The following GALNT7 variants were observed in gnomAD, a reference collection of about 807,000 sequenced individuals.
GALNT7 encodes polypeptide N-acetylgalactosaminyltransferase 7.
Under a neutral mutation model 82.1 loss-of-function variants are expected in GALNT7, and 60 were observed. That is an observed-to-expected ratio of 0.73 (90% CI 0.59 to 0.91). The LOEUF is 0.91. Ranked by LOEUF, GALNT7 falls within the 40% of genes least tolerant of loss-of-function variation. The pLI, the probability that GALNT7 is intolerant of heterozygous loss-of-function variation, is 0.00. For synonymous variants in GALNT7, 243 were observed against 275.1 expected (o/e 0.88, Z 1.15); for missense variants, 660 against 804.2 (o/e 0.82, Z 2.17).
At chr4:173,213,160 ATT>A (rs1733335853) in intron 1 of GALNT7, among the ~76,000 whole-genome samples, 1 of 152,132 alleles carries the variant, frequency 6.6e-6, no homozygotes, top group Non-Finnish European at 1.5e-5. Flanking sequence ...TCCCTGATGT[ATT>A]CTTAGTGGTC....
At chr4:173,178,036 TGTGTGTGTGTGTGTGTGCGCGCAC>T (rs1732112164) in intron 1 of GALNT7, among the ~76,000 whole-genome samples, 1 of 118,324 alleles carries the variant, frequency 8.5e-6, no homozygotes, top group South Asian at 3.0e-4. Flanking sequence ...TGTGTGTGTG[TGTGTGTGTGTGTGTGTGCGCGCAC>T]GCGCGTGCGC....
At chr4:173,265,067 C>T (rs942283813) in intron 2 of GALNT7, among the ~76,000 whole-genome samples, 4 of 152,252 alleles carry the variant, frequency 2.6e-5, no homozygotes, top group Admixed American at 2.6e-4. Context: ...AGCCACTCAA[C>T]ACTGTGCCCA....
chr4:173,263,168 A>T (rs1735343663), intron 2 of GALNT7, among the ~76,000 whole-genome samples: 1 of 151,696 alleles, frequency 6.6e-6, no homozygotes, highest in Admixed American at 6.6e-5. Flanking sequence ...GGCCTTGGGG[A>T]CCCCACAAAT....
At chr4:173,270,260 A>G (rs1579975727) in intron 2 of GALNT7, among the ~76,000 whole-genome samples, 1 of 152,222 alleles carries the variant, frequency 6.6e-6, no homozygotes, top group Non-Finnish European at 1.5e-5. Flanking sequence ...TGTGCTCTCC[A>G]GAATAAAGAT....
At chr4:173,316,503 A>G (rs751774121) in intron 9 of GALNT7, 1 of 151,934 alleles carries the variant, frequency 6.6e-6, no homozygotes, top group Admixed American at 6.6e-5. Flanking sequence ...TTTCCCTTAC[A>G]TTCCCAGAGT....
Position 173,211,489 on chromosome 4 carries a change from C to G in GALNT7, c.127-36491C>G, listed in dbSNP as rs114488140. On this transcript the variant is annotated intron_variant, in intron 1 of 11. Transcript: ENST00000265000. ...AGACCTCAGTCTTCCATTCACAAAT[C>G]TGGTGTCCTTTTTGCCTCATCATTT... 5.2e-3 allele frequency among the ~76,000 whole-genome samples: 793 copies of G among 152,256 alleles called. 9 individuals are homozygous for G. The highest frequency in any genetic ancestry group is 0.018 in the African/African-American group (763 of 41,544).
At position 173,323,811 on chromosome 4, in the gene GALNT7, ATT is replaced by A. The variant is rs1463057961; in HGVS notation, c.*2096_*2097del. ...CTATGCATTTCTACACATTTTATAA[ATT>A]TGATTTATGCAGATTTTGATACACT... On this transcript the variant is annotated 3_prime_UTR_variant, in exon 12 of 12. Transcript: ENST00000265000. The A allele has an allele frequency of 1.3e-5, 2 of 152,590 alleles. No homozygotes were observed. The highest frequency in any genetic ancestry group is 2.9e-5 in the Non-Finnish European group (2 of 67,994). 9.5% of individuals were successfully genotyped at this position (152,590 alleles called of 1,614,324 possible). A position where few individuals can be genotyped will look rare whatever the true frequency, so the allele number is the denominator to read the frequency against.
At chr4:173,219,175 C>A (rs1040685833) in intron 1 of GALNT7, among the ~76,000 whole-genome samples, 39 of 151,970 alleles carry the variant, frequency 2.6e-4, no homozygotes, top group Non-Finnish European at 3.4e-4. Context: ...CATTCTTATG[C>A]TTTTGTGTCC....
Position 173,219,347 on chromosome 4 carries a change from T to C in GALNT7, c.127-28633T>C, listed in dbSNP as rs1367999459. On this transcript the variant is annotated intron_variant, in intron 1 of 11. Transcript: ENST00000265000. ...TAGTGTTCCATGGTGTGTGTGTGTG[T>C]GTGTATACATACACATACATACCAC... is the stretch of plus-strand genomic sequence containing the variant. Among the ~76,000 whole-genome samples, 9 of 152,302 alleles carry C rather than the reference T, an allele frequency of 5.9e-5. No homozygotes were observed. In the East Asian group the frequency reaches 1.5e-3, roughly 26 times the overall value.
intron 2 of GALNT7, among the ~76,000 whole-genome samples, chr4:173,259,173 G>A (rs1735160807): frequency 2.0e-5 from 3 of 152,138 alleles, no homozygotes; most frequent in Non-Finnish European, 2.9e-5. Context: ...GTAATGTTAT[G>A]GGAGGAGGGT....
At chr4:173,281,243 C>G (rs1043937478) in intron 2 of GALNT7, among the ~76,000 whole-genome samples, 1 of 152,078 alleles carries the variant, frequency 6.6e-6, no homozygotes, top group African/African-American at 2.4e-5. Context: ...ATACTGGCAC[C>G]CTTTCATCTG....
At chr4:173,187,481 A>C (rs185386993) in intron 1 of GALNT7, among the ~76,000 whole-genome samples, 216 of 152,238 alleles carry the variant, frequency 1.4e-3, no homozygotes, top group African/African-American at 5.1e-3. Flanking sequence ...AAAAAAACCA[A>C]GGCATGATTT....
chr4:173,241,860 C>G (rs568506019), intron 1 of GALNT7, among the ~76,000 whole-genome samples: 1 of 152,282 alleles, frequency 6.6e-6, no homozygotes, highest in South Asian at 2.1e-4. Flanking sequence ...CCGATAAAAT[C>G]TTCCCAGTAG....
At chr4:173,287,212 C>T (rs1450028980) in intron 2 of GALNT7, among the ~76,000 whole-genome samples, 1 of 152,204 alleles carries the variant, frequency 6.6e-6, no homozygotes, top group African/African-American at 2.4e-5. Context: ...GCTCTAATCC[C>T]CTGCAAGTTC....
chr4:173,212,215 C>A (rs1733303039), intron 1 of GALNT7, among the ~76,000 whole-genome samples: 6 of 152,080 alleles, frequency 3.9e-5, no homozygotes, highest in Admixed American at 2.6e-4. Context: ...ATGAAGTGAC[C>A]AAACTTAGAT....
intron 3 of GALNT7, among the ~76,000 whole-genome samples, chr4:173,293,359 A>G (rs914184816): frequency 2.0e-5 from 3 of 152,084 alleles, no homozygotes; most frequent in African/African-American, 7.2e-5. Context: ...TAGAGTAGGC[A>G]GAGAAGTTTG....
At chr4:173,276,394 G>A (rs945959080) in intron 2 of GALNT7, among the ~76,000 whole-genome samples, 6 of 152,148 alleles carry the variant, frequency 3.9e-5, no homozygotes, top group Non-Finnish European at 5.9e-5. Flanking sequence ...TTGGAAAAAG[G>A]TAACTAGGTT....
At chr4:173,261,815 T>A (rs1156753695) in intron 2 of GALNT7, among the ~76,000 whole-genome samples, 1 of 151,816 alleles carries the variant, frequency 6.6e-6, no homozygotes, top group African/African-American at 2.4e-5. Context: ...CCAGACTCAG[T>A]CTCAAAAAAA....
At chr4:173,276,079 A>G (rs1561185405) in intron 2 of GALNT7, among the ~76,000 whole-genome samples, 1 of 152,230 alleles carries the variant, frequency 6.6e-6, no homozygotes, top group Non-Finnish European at 1.5e-5. Context: ...TTTGACTTTC[A>G]GCCTTAAATA....
Sources: gnomAD v4.1 joint callset for allele counts (sites outside exome capture counted in the v4.1 genomes callset) on GRCh38, gnomAD v4.1.1 for gene constraint, MANE v1.5 for transcripts, NCBI Gene and HGNC (gene_info 2026-07-23, HGNC 2026-07-21) for gene names.